The following RIN3 variants were observed in gnomAD, a reference collection of about 807,000 sequenced individuals.
RIN3 encodes Ras and Rab interactor 3, also known as RAB5 interacting protein 3.
RIN3 carries 54 observed loss-of-function variants against 76.3 expected under a neutral mutation model. That is an observed-to-expected ratio of 0.71 (90% CI 0.57 to 0.89). The LOEUF is 0.89. RIN3 is among the 40% of genes least tolerant of loss of function. The pLI, the probability that RIN3 is intolerant of heterozygous loss-of-function variation, is 0.00. For synonymous variants in RIN3, 576 were observed against 564.0 expected (o/e 1.02, Z -0.30); for missense variants, 1,256 against 1,322.1 (o/e 0.95, Z 0.78).
At chr14:92,606,720 C>T (rs1208699790) in intron 3 of RIN3, among the ~76,000 whole-genome samples, 1 of 152,042 alleles carries the variant, frequency 6.6e-6, no homozygotes, top group Non-Finnish European at 1.5e-5. Context: ...CACTTCACAC[C>T]CACTAGGGTG....
chr14:92,551,809 T>C (rs1238512182), intron 1 of RIN3, among the ~76,000 whole-genome samples: 1 of 152,274 alleles, frequency 6.6e-6, no homozygotes, highest in African/African-American at 2.4e-5. Flanking sequence ...GCTTGGTCTC[T>C]GTTGGATATA....
chr14:92,547,676 G>A (rs958626034), intron 1 of RIN3, among the ~76,000 whole-genome samples: 2 of 151,294 alleles, frequency 1.3e-5, no homozygotes, highest in African/African-American at 2.4e-5. Context: ...GATTGCAGGT[G>A]TGAATCACTG....
chr14:92,666,053 C>CTACT (rs1431068894), intron 7 of RIN3, among the ~76,000 whole-genome samples: 1 of 151,552 alleles, frequency 6.6e-6, no homozygotes, highest in African/African-American at 2.4e-5. Flanking sequence ...CACCACTGAC[C>CTACT]TACTTCCTCC....
chr14:92,525,113 C>G (rs987996780), intron 1 of RIN3, among the ~76,000 whole-genome samples: 1 of 152,210 alleles, frequency 6.6e-6, no homozygotes, highest in African/African-American at 2.4e-5. Context: ...TCTTGCCAAG[C>G]CTTGTGTCAT....
intron 7 of RIN3, among the ~76,000 whole-genome samples, chr14:92,663,963 G>A (rs1411457209): frequency 1.3e-5 from 2 of 152,174 alleles, no homozygotes; most frequent in Admixed American, 6.5e-5. Flanking sequence ...GGCTAGGAAC[G>A]CCTCTCTCTG....
chr14:92,550,579 C>A lies in RIN3; in HGVS notation c.45-5172C>A, dbSNP rs887846769. Among the ~76,000 whole-genome samples, 44 of 152,084 alleles carry A rather than the reference C, an allele frequency of 2.9e-4. 1 individual carries two copies. On this transcript the variant is annotated intron_variant, in intron 1 of 9. Coordinates refer to ENST00000216487, the MANE Select transcript of RIN3 (RefSeq NM_024832.5). ...ATGGGGCACACGCCATCATGCCTGG[C>A]TAATTTTTCGAAAGTTTTTTGTAGA...
intron 7 of RIN3, among the ~76,000 whole-genome samples, chr14:92,660,553 G>A (rs756858329): frequency 2.0e-5 from 3 of 152,258 alleles, no homozygotes; most frequent in Non-Finnish European, 2.9e-5. Flanking sequence ...GTTAGCACAG[G>A]CATGTGTCCA....
chr14:92,646,601 G>A (rs1887209094), intron 5 of RIN3, among the ~76,000 whole-genome samples: 1 of 152,140 alleles, frequency 6.6e-6, no homozygotes, highest in South Asian at 2.1e-4. Context: ...CACCACGCCT[G>A]ACTAATTTTT....
intron 2 of RIN3, among the ~76,000 whole-genome samples, chr14:92,565,586 T>C (rs555168311): frequency 6.6e-6 from 1 of 152,346 alleles, no homozygotes; most frequent in East Asian, 1.9e-4. Flanking sequence ...TTCCTGGAGC[T>C]AAGGGTTTCC....
At chr14:92,586,261 G>A (rs946442319) in intron 3 of RIN3, among the ~76,000 whole-genome samples, 4 of 152,182 alleles carry the variant, frequency 2.6e-5, no homozygotes, top group African/African-American at 9.7e-5. Context: ...ATAAATACTA[G>A]CAGCTATAAT....
intron 4 of RIN3, among the ~76,000 whole-genome samples, chr14:92,626,169 A>G (rs1185869385): frequency 6.6e-6 from 1 of 152,314 alleles, no homozygotes; most frequent in Non-Finnish European, 1.5e-5. Context: ...AAGATCTTTC[A>G]TATTTTCCCA....
chr14:92,652,618 C>T lies in RIN3; in HGVS notation c.1569C>T (p.Ser523=), dbSNP rs748881246. 3 of 1,611,108 alleles carry T rather than the reference C, an allele frequency of 1.9e-6. No individual in the cohort carries two copies. The highest frequency in any genetic ancestry group is 1.7e-5 in the Admixed American group (1 of 60,022). The change falls in exon 6 of 10, where the codon AGC becomes AGT. Residue 523 remains serine (S), a synonymous_variant. Coordinates refer to ENST00000216487, the MANE Select transcript of RIN3 (RefSeq NM_024832.5). This position sits in a 1 kb window ranked among gnomAD's most constrained non-coding sequence, Gnocchi z 6.4. ...CCCAGGCCACTGCCCATTCCCAGAG[C>T]TCTCCAGAGTTCAAGGGCTCCCTGG... ...PPAQATAHSQ[S]SPEFKGSLAS...
At chr14:92,577,964 G>C (rs566472787) in intron 3 of RIN3, among the ~76,000 whole-genome samples, 15 of 152,326 alleles carry the variant, frequency 9.8e-5, no homozygotes, top group African/African-American at 3.4e-4. Context: ...TCTGGGCCAG[G>C]CTTGATGGCT....
At chr14:92,552,537 A>C (rs983828669) in intron 1 of RIN3, among the ~76,000 whole-genome samples, 2 of 151,124 alleles carry the variant, frequency 1.3e-5, no homozygotes, top group African/African-American at 2.4e-5. Flanking sequence ...CCCTCCCCCT[A>C]CCCCCTCTGC....
At chr14:92,552,561 C>T (rs939251066) in intron 1 of RIN3, among the ~76,000 whole-genome samples, 11 of 152,076 alleles carry the variant, frequency 7.2e-5, no homozygotes, top group African/African-American at 2.7e-4. Flanking sequence ...CACCTCCTGC[C>T]ACTCTCACCC....
intron 4 of RIN3, among the ~76,000 whole-genome samples, chr14:92,622,990 G>A (rs1595463038): frequency 6.6e-6 from 1 of 152,236 alleles, no homozygotes; most frequent in Admixed American, 6.5e-5. Context: ...GGAAGGTTTT[G>A]TTACTAGCTG....
intron 1 of RIN3, among the ~76,000 whole-genome samples, chr14:92,518,140 T>G (rs951127139): frequency 2.0e-5 from 3 of 152,228 alleles, no homozygotes; most frequent in African/African-American, 7.2e-5. Flanking sequence ...AGATTCCTCC[T>G]TTTTGAATAT....
chr14:92,547,024 A>T (rs1897283220), intron 1 of RIN3, among the ~76,000 whole-genome samples: 1 of 142,162 alleles, frequency 7.0e-6, no homozygotes, highest in African/African-American at 2.6e-5. Context: ...TATTAATATA[A>T]TTATTATTTT....
At chr14:92,659,516 T>C in intron 7 of RIN3, 47 bp downstream of exon 7, 1 of 1,526,944 alleles carries the variant, frequency 6.5e-7, no homozygotes, top group Non-Finnish European at 8.8e-7. Context: ...TCTCTTTGTA[T>C]GGGTCCATGA....
Sources: gnomAD v4.1 joint callset for allele counts (sites outside exome capture counted in the v4.1 genomes callset) on GRCh38, gnomAD v4.1.1 for gene constraint, Gnocchi (gnomAD v3.1) non-coding constraint, MANE v1.5 for transcripts, NCBI Gene and HGNC (gene_info 2026-07-23, HGNC 2026-07-21) for gene names.